SORT1: variants seen among roughly 807,000 people sequenced by gnomAD.
SORT1 encodes sortilin 1.
A neutral mutation model predicts 101.7 loss-of-function variants in SORT1; 39 were observed. The observed-to-expected ratio is 0.38, with a 90% CI of 0.30 to 0.50. The LOEUF (loss-of-function observed/expected upper bound fraction) is 0.50, where lower values mean the gene tolerates loss of function less well. Among genes scored for constraint, SORT1 ranks in the 20% least tolerant of loss-of-function variants. The probability of loss-of-function intolerance (pLI) is 0.90; values close to 1 mark genes in which losing one functional copy is unlikely to be tolerated. For synonymous variants in SORT1, 396 were observed against 393.7 expected, an observed-to-expected ratio of 1.01 and a Z score of -0.07; for missense variants, 878 against 1,040.4, an observed-to-expected ratio of 0.84 and a Z score of 2.15.
intron 1 of SORT1, among the ~76,000 whole-genome samples, chr1:109,382,061 T>TAA (rs34744406): frequency 0.018 from 2,707 of 147,108 alleles, 83 homozygotes; most frequent in African/African-American, 0.064. Flanking sequence ...TATTTTTACT[T>TAA]AAAAAAAAAA....
intron 1 of SORT1, chr1:109,397,326 A>G (rs1164509974): frequency 1.3e-5 from 2 of 156,462 alleles, no homozygotes; most frequent in Non-Finnish European, 2.8e-5. Context: ...AACGATGTTC[A>G]AGAGATTTTG....
chr1:109,397,730 C>A lies in SORT1; in HGVS notation c.163G>T (p.Gly55Trp). The change falls in exon 1 of 20, where the codon GGG becomes TGG. Residue 55 changes from glycine to tryptophan, a missense_variant. Gly to Trp is a radical substitution (Grantham distance 184, BLOSUM62 -2). Coordinates refer to ENST00000256637, the MANE Select transcript of SORT1 (RefSeq NM_002959.7). The part of the protein sequence containing the change: ...APLPRWSGPI[G>W]VSWGLRAAAA... ...GCCGCCCGCAGCCCCCAGCTCACCCCGATGGGGCCAGACCAGCGCGGCAGC... is the reference window on the plus strand; with the variant it reads ...GCCGCCCGCAGCCCCCAGCTCACCCAGATGGGGCCAGACCAGCGCGGCAGC... 8.4e-7 allele frequency: 1 copy of A among 1,188,982 alleles called. No individual in the cohort carries two copies. The highest frequency in any genetic ancestry group is 1.0e-6 in the Non-Finnish European group (1 of 963,102). The allele number at this position is 1,188,982 out of a possible 1,614,324, so 73.7% of individuals were successfully genotyped here.
Position 109,349,656 on chromosome 1 carries a change from C to T in SORT1, c.782+1273G>A, listed in dbSNP as rs549850704. 4.6e-5 allele frequency among the ~76,000 whole-genome samples: 7 copies of T among 152,242 alleles called. No individual in the cohort carries two copies. In the East Asian group the frequency reaches 1.4e-3, roughly 29 times the overall value. ...GCATGGTGGCACATGCCTGTAGTCC[C>T]AGCTACTTGGGAGGCTGAGGCAGAA... On this transcript the variant is annotated intron_variant, in intron 6 of 19. Coordinates refer to ENST00000256637, the MANE Select transcript of SORT1 (RefSeq NM_002959.7).
intron 11 of SORT1, among the ~76,000 whole-genome samples, chr1:109,334,510 T>C (rs763575006): frequency 6.6e-6 from 1 of 152,138 alleles, no homozygotes; most frequent in Admixed American, 6.5e-5. Flanking sequence ...GGGAGTAGAA[T>C]GGTGGCTTTT....
chr1:109,335,859 G>A (rs1393414778), intron 11 of SORT1, among the ~76,000 whole-genome samples: 3 of 152,200 alleles, frequency 2.0e-5, no homozygotes, highest in African/African-American at 7.2e-5. Context: ...TCTTGTTTCC[G>A]ATGAGCAAGG....
chr1:109,377,353 A>G (rs745981725), intron 1 of SORT1, among the ~76,000 whole-genome samples: 12 of 152,144 alleles, frequency 7.9e-5, no homozygotes, highest in African/African-American at 1.4e-4. Flanking sequence ...CCTGCTACTA[A>G]CATTATTTCT....
At chr1:109,391,679 C>A (rs545092910) in intron 1 of SORT1, among the ~76,000 whole-genome samples, 24 of 152,268 alleles carry the variant, frequency 1.6e-4, no homozygotes, top group African/African-American at 5.8e-4. Flanking sequence ...CATGAACATT[C>A]ATTCAACCAA....
intron 4 of SORT1, among the ~76,000 whole-genome samples, 185 bp downstream of exon 4, chr1:109,355,182 C>T (rs180985654): frequency 1.1e-4 from 16 of 152,280 alleles, no homozygotes; most frequent in Non-Finnish European, 2.2e-4. Flanking sequence ...GACGGTATCA[C>T]TGCACTCCAG....
At chr1:109,353,078 C>A (rs1650068741) in intron 5 of SORT1, among the ~76,000 whole-genome samples, 1 of 152,152 alleles carries the variant, frequency 6.6e-6, no homozygotes, top group Non-Finnish European at 1.5e-5. Flanking sequence ...GTAATCCCAG[C>A]ACTTTGGGAG....
intron 6 of SORT1, among the ~76,000 whole-genome samples, chr1:109,349,628 T>C (rs1163093871): frequency 6.6e-6 from 1 of 151,934 alleles, no homozygotes; most frequent in Admixed American, 6.6e-5. Context: ...AAAAATTAGC[T>C]AGGCATGGTG....
At chr1:109,348,888 G>C (rs1025845134) in intron 6 of SORT1, among the ~76,000 whole-genome samples, 2 of 152,046 alleles carry the variant, frequency 1.3e-5, no homozygotes, top group Non-Finnish European at 2.9e-5. Flanking sequence ...AGGATCACTT[G>C]AGCCCAGGAG....
At chr1:109,396,180 C>CA (rs1164892385) in intron 1 of SORT1, among the ~76,000 whole-genome samples, 3 of 151,850 alleles carry the variant, frequency 2.0e-5, no homozygotes, top group Non-Finnish European at 2.9e-5. Context: ...CTCTATCTCA[C>CA]AAAAAAAGAG....
At chr1:109,395,378 G>A (rs1273678726) in intron 1 of SORT1, among the ~76,000 whole-genome samples, 2 of 151,628 alleles carry the variant, frequency 1.3e-5, no homozygotes, top group Non-Finnish European at 2.9e-5. Flanking sequence ...ATGCCACCGC[G>A]TCTGGCTAAC....
At chr1:109,322,874 G>A (rs1647727602) in intron 15 of SORT1, 58 bp downstream of exon 15, 1 of 1,416,410 alleles carries the variant, frequency 7.1e-7, no homozygotes, top group Admixed American at 1.8e-5. Flanking sequence ...TAAGAAAACT[G>A]TCTTTCACCT....
intron 10 of SORT1, among the ~76,000 whole-genome samples, chr1:109,337,129 T>A (rs1025345112): frequency 6.6e-6 from 1 of 152,218 alleles, no homozygotes; most frequent in African/African-American, 2.4e-5. Context: ...CCATATCCTA[T>A]CTTTCTTGTA....
At chr1:109,326,051 CTTCTTTT>C (rs1647993306) in intron 13 of SORT1, among the ~76,000 whole-genome samples, 1 of 147,720 alleles carries the variant, frequency 6.8e-6, no homozygotes. Context: ...AGAACTTATA[CTTCTTTT>C]TTTTTTTTTT....
chr1:109,334,758 A>AT (rs1360514022), intron 11 of SORT1, among the ~76,000 whole-genome samples: 5 of 152,194 alleles, frequency 3.3e-5, no homozygotes, highest in African/African-American at 1.2e-4. Context: ...ATGTATATAT[A>AT]TATCAAAACA....
intron 1 of SORT1, among the ~76,000 whole-genome samples, chr1:109,381,934 A>C (rs1418030192): frequency 6.6e-6 from 1 of 152,168 alleles, no homozygotes; most frequent in Non-Finnish European, 1.5e-5. Flanking sequence ...TTTAAGTGGT[A>C]TTATAGAATT....
intron 1 of SORT1, chr1:109,392,478 G>A: frequency 3.0e-6 from 1 of 336,812 alleles, no homozygotes; most frequent in Non-Finnish European, 4.2e-6. Flanking sequence ...ATTAGAAATT[G>A]AACAGAACAT....
Sources: allele counts gnomAD v4.1 joint callset (sites outside exome capture counted in the v4.1 genomes callset), GRCh38; gene constraint gnomAD v4.1.1; transcripts MANE v1.5; gene names NCBI Gene and HGNC (gene_info 2026-07-23, HGNC 2026-07-21).